Variants in NPAS3 observed in about 807,000 individuals in gnomAD.
NPAS3 encodes the protein neuronal PAS domain protein 3.
In NPAS3, 14 loss-of-function variants were observed where a neutral mutation model predicts 73.1. The ratio of observed to expected loss-of-function variants is 0.19; its 90% confidence interval spans 0.13 to 0.30. The LOEUF is 0.30. Among genes scored for constraint, NPAS3 ranks in the 10% least tolerant of loss-of-function variants. NPAS3 has a pLI of 1.00. For missense variants in NPAS3, 1,096 were observed against 1,250.0 expected, an observed-to-expected ratio of 0.88 and a Z score of 1.86; for synonymous variants, 620 against 541.5, an observed-to-expected ratio of 1.14 and a Z score of -2.01.
chr14:33,791,553 G>A (rs779927339), intron 9 of NPAS3, among the ~76,000 whole-genome samples: 7 of 152,158 alleles, frequency 4.6e-5, no homozygotes, highest in Non-Finnish European at 7.3e-5. Flanking sequence ...AGCCCCCTTC[G>A]CTACACATAC....
At chr14:33,147,116 A>T (rs2044263065) in intron 2 of NPAS3, among the ~76,000 whole-genome samples, 1 of 152,132 alleles carries the variant, frequency 6.6e-6, no homozygotes, top group African/African-American at 2.4e-5. Flanking sequence ...AAGTAAACAC[A>T]ACCTTACAAT....
intron 1 of NPAS3, among the ~76,000 whole-genome samples, chr14:32,994,365 A>G (rs1403421892): frequency 1.3e-5 from 2 of 152,168 alleles, no homozygotes; most frequent in Non-Finnish European, 2.9e-5. Flanking sequence ...TGACAAGTGA[A>G]TACTACTTAT....
intron 5 of NPAS3, among the ~76,000 whole-genome samples, chr14:33,633,298 A>G (rs76035493): frequency 3.3e-5 from 5 of 151,578 alleles, no homozygotes; most frequent in South Asian, 2.1e-4. Context: ...AACTTATTTG[A>G]AAAAAAACTA....
intron 9 of NPAS3, among the ~76,000 whole-genome samples, chr14:33,792,929 TAAC>T (rs1436889683): frequency 1.3e-5 from 2 of 152,196 alleles, no homozygotes; most frequent in Non-Finnish European, 2.9e-5. Context: ...AGCCAAGTAA[TAAC>T]AGCAGGTTTT....
chr14:33,291,901 C>A (rs1161204563), intron 3 of NPAS3, among the ~76,000 whole-genome samples: 1 of 152,210 alleles, frequency 6.6e-6, no homozygotes, highest in Non-Finnish European at 1.5e-5. Context: ...GACAAATAGC[C>A]AGGGGATCAA....
chr14:33,275,655 G>A (rs1318223144), intron 3 of NPAS3, among the ~76,000 whole-genome samples: 1 of 152,090 alleles, frequency 6.6e-6, no homozygotes, highest in Non-Finnish European at 1.5e-5. Context: ...ATGTTTAAAG[G>A]ACCTGTCTAC....
At chr14:33,756,883 G>C (rs1423496585) in intron 7 of NPAS3, among the ~76,000 whole-genome samples, 3 of 152,214 alleles carry the variant, frequency 2.0e-5, no homozygotes, top group African/African-American at 7.2e-5. Flanking sequence ...TGATTGGGTA[G>C]CCGAGACAAA....
At chr14:33,694,575 T>C (rs772332298) in intron 6 of NPAS3, among the ~76,000 whole-genome samples, 127 of 152,178 alleles carry the variant, frequency 8.3e-4, no homozygotes, top group Non-Finnish European at 1.6e-3. Flanking sequence ...AACTTATTTC[T>C]TGGTGTCTTC....
intron 2 of NPAS3, among the ~76,000 whole-genome samples, chr14:33,140,087 G>T (rs1595533112): frequency 6.6e-6 from 1 of 151,980 alleles, no homozygotes; most frequent in Non-Finnish European, 1.5e-5. Context: ...ACATTTTTCG[G>T]TAGGCCTATG....
chr14:33,218,669 T>G (rs2047313821), intron 3 of NPAS3, among the ~76,000 whole-genome samples: 1 of 152,218 alleles, frequency 6.6e-6, no homozygotes, highest in Non-Finnish European at 1.5e-5. Flanking sequence ...TCGTATGAAA[T>G]GTACTTACAT....
At chr14:33,180,497 A>T (rs2045751986) in intron 2 of NPAS3, among the ~76,000 whole-genome samples, 1 of 152,164 alleles carries the variant, frequency 6.6e-6, no homozygotes, top group African/African-American at 2.4e-5. Flanking sequence ...ATGATTTAAT[A>T]CTTAAGTAAA....
At chr14:33,600,102 A>C (rs2057355442) in intron 5 of NPAS3, among the ~76,000 whole-genome samples, 1 of 152,212 alleles carries the variant, frequency 6.6e-6, no homozygotes, top group Non-Finnish European at 1.5e-5. Context: ...GAACAAATCT[A>C]GATGTTTTGT....
At chr14:33,662,808 A>T (rs540728512) in intron 5 of NPAS3, among the ~76,000 whole-genome samples, 8 of 149,258 alleles carry the variant, frequency 5.4e-5, no homozygotes, top group African/African-American at 2.0e-4. Context: ...TTGTATCCTG[A>T]GACTTTGCTG....
rs546669888 is a variant in NPAS3, at chr14:33,657,688, A to G, written c.559-18523A>G. Among the ~76,000 whole-genome samples, 15 of 152,258 alleles carry G rather than the reference A, an allele frequency of 9.9e-5. 1 individual carries two copies. Among genetic ancestry groups the G allele is most frequent in the African/African-American group, 3.1e-4 (13 of 41,544 alleles). ...ACTTCCCTAGACCCGGTTGCTGGTG[A>G]CTCAACACTATGCTGGCTGCCCTTG... On this transcript the variant is annotated intron_variant, in intron 5 of 11. Coordinates refer to ENST00000356141, the Ensembl canonical transcript of NPAS3.
At chr14:33,111,865 G>A (rs35224113) in intron 2 of NPAS3, among the ~76,000 whole-genome samples, 2,189 of 139,176 alleles carry the variant, frequency 0.016, 55 homozygotes, top group African/African-American at 0.056. Context: ...TCCCCTTCCT[G>A]TGTCCATGTG....
At chr14:33,122,927 AG>A (rs1206815839) in intron 2 of NPAS3, among the ~76,000 whole-genome samples, 1 of 152,164 alleles carries the variant, frequency 6.6e-6, no homozygotes, top group Non-Finnish European at 1.5e-5. Flanking sequence ...TAGAATAAAA[AG>A]GTTTTCAGTT....
intron 3 of NPAS3, among the ~76,000 whole-genome samples, chr14:33,338,868 G>C (rs534663194): frequency 1.8e-4 from 28 of 152,200 alleles, no homozygotes; most frequent in African/African-American, 6.5e-4. Flanking sequence ...GTCATTAATA[G>C]GCAAAATTTA....
At chr14:33,757,442 G>C (rs1202339986) in intron 7 of NPAS3, among the ~76,000 whole-genome samples, 1 of 152,158 alleles carries the variant, frequency 6.6e-6, no homozygotes, top group African/African-American at 2.4e-5. Flanking sequence ...GGCAAATGAG[G>C]AAGACCCTAT....
chr14:33,693,070 CATTG>C lies in NPAS3; in HGVS notation c.733+16691_733+16694del, dbSNP rs202075726. Among the ~76,000 whole-genome samples, 1,464 of 152,222 alleles carry C rather than the reference CATTG, an allele frequency of 9.6e-3. 23 individuals are homozygous for C. Among genetic ancestry groups the C allele is most frequent in the African/African-American group, 0.034 (1,394 of 41,540 alleles). On this transcript the variant is annotated intron_variant, in intron 6 of 11. Transcript: ENST00000356141. ...AACCACATCTTCCTTAATATTTATA[CATTG>C]ATTGAAATTAATGAGATTTACTGGA...
Sources: gnomAD v4.1 joint callset for allele counts (sites outside exome capture counted in the v4.1 genomes callset) on GRCh38, gnomAD v4.1.1 for gene constraint, MANE v1.5 for transcripts, NCBI Gene and HGNC (gene_info 2026-07-23, HGNC 2026-07-21) for gene names.